Variants in HMCN1 observed in about 807,000 individuals in gnomAD.
HMCN1 encodes hemicentin 1.
A neutral mutation model predicts 625.9 loss-of-function variants in HMCN1; 321 were observed. That is an observed-to-expected ratio of 0.51 (90% CI 0.47 to 0.56). The LOEUF (loss-of-function observed/expected upper bound fraction) is 0.56. HMCN1 is among the 20% of genes least tolerant of loss of function. The pLI is 0.00. For synonymous variants in HMCN1, 2,425 were observed against 2,417.6 expected, an observed-to-expected ratio of 1.00 and a Z score of -0.09; for missense variants, 6,588 against 6,887.3, an observed-to-expected ratio of 0.96 and a Z score of 1.54.
intron 1 of HMCN1, among the ~76,000 whole-genome samples, chr1:185,807,028 T>G (rs2102237128): frequency 6.6e-6 from 1 of 152,284 alleles, no homozygotes; most frequent in African/African-American, 2.4e-5. Flanking sequence ...CTTTCAAGAA[T>G]TTGGGATTAT....
chr1:185,900,431 GAGTT>G lies in HMCN1; in HGVS notation c.622-8902_622-8899del, dbSNP rs201388812. On this transcript the variant is annotated intron_variant, in intron 4 of 106. Coordinates refer to ENST00000271588, the MANE Select transcript of HMCN1 (RefSeq NM_031935.3). ...ATAAAGATTAGAGGGGATCTGGAAA[GAGTT>G]AGTGTTAGTGAGATTTTTGTGCGTG... Among the ~76,000 whole-genome samples, 1,171 of 152,116 alleles carry G rather than the reference GAGTT, an allele frequency of 7.7e-3. 48 individuals are homozygous for G. Among genetic ancestry groups the G allele is most frequent in the Admixed American group, 0.06 (908 of 15,236 alleles).
intron 30 of HMCN1, 51 bp from the exon 31 acceptor site, chr1:186,015,108 T>G: frequency 6.7e-7 from 1 of 1,496,004 alleles, no homozygotes; most frequent in Non-Finnish European, 9.3e-7. Flanking sequence ...AAGATTTTGA[T>G]GAAGATGCTG....
intron 58 of HMCN1, among the ~76,000 whole-genome samples, chr1:186,086,675 T>C (rs182656023): frequency 1.5e-4 from 23 of 152,178 alleles, no homozygotes; most frequent in Non-Finnish European, 2.9e-4. Flanking sequence ...TAATACCAAG[T>C]GGTAGATGGC....
In HMCN1 at chr1:185,970,234, T is replaced by C. The variant is rs1571637738; in HGVS notation, c.2213-101T>C. On this transcript the variant is annotated intron_variant, in intron 14 of 106. Transcript: ENST00000271588. The stretch of plus-strand genomic sequence containing the variant: ...TGCCAAACACTTGTGTTTAAAAACT[T>C]TGCAATCAACTTTATTTGGAAGTTT... The C allele has an allele frequency of 4.5e-6, 5 of 1,120,768 alleles. No homozygotes were observed. The East Asian group carries it at 1.2e-4, about 26-fold the overall frequency. The allele number at this position is 1,120,768 out of a possible 1,614,324, so 69.4% of individuals were successfully genotyped here. A position where few individuals can be genotyped will look rare whatever the true frequency, so the allele number is the denominator to read the frequency against.
intron 93 of HMCN1, among the ~76,000 whole-genome samples, chr1:186,147,128 T>C (rs1379625763): frequency 6.6e-6 from 1 of 152,220 alleles, no homozygotes; most frequent in Non-Finnish European, 1.5e-5. Flanking sequence ...CTCTACGCTT[T>C]CTACTGCTTT....
In HMCN1 at chr1:186,151,350, G is replaced by C. The variant is rs749033490; in HGVS notation, c.14758+1G>C. 1.2e-6 allele frequency: 2 copies of C among 1,612,858 alleles called. No homozygotes were observed. Among genetic ancestry groups the C allele is most frequent in the South Asian group, 2.2e-5 (2 of 91,046 alleles). ...ATTACCAATGTACCTCGTAGTCTTG[G>C]TAAGTCTTTGCCTCAAGCCTCTTTT... On this transcript the variant is annotated splice_donor_variant, in intron 94 of 106. Coordinates refer to ENST00000271588, the MANE Select transcript of HMCN1 (RefSeq NM_031935.3). LOFTEE classifies it high-confidence loss of function.
chr1:186,110,198 C>T (rs577412070), intron 71 of HMCN1, among the ~76,000 whole-genome samples: 4 of 152,172 alleles, frequency 2.6e-5, no homozygotes, highest in East Asian at 3.9e-4. Context: ...TAAAAAAAAG[C>T]GGCCTTTGAT....
At chr1:186,178,888 C>G (rs1204336468) in intron 104 of HMCN1, 122 bp downstream of exon 104, 22 of 764,562 alleles carry the variant, frequency 2.9e-5, no homozygotes, top group Middle Eastern at 6.7e-4. Flanking sequence ...CGGAATGACT[C>G]AAAATTTCAA....
chr1:185,966,936 A>G (rs1208379277), intron 14 of HMCN1, among the ~76,000 whole-genome samples: 1 of 152,136 alleles, frequency 6.6e-6, no homozygotes, highest in Non-Finnish European at 1.5e-5. Context: ...CTGGTTGTCC[A>G]TACTGAAAGA....
At chr1:185,986,515 A>G (rs1652007105) in intron 19 of HMCN1, among the ~76,000 whole-genome samples, 1 of 152,194 alleles carries the variant, frequency 6.6e-6, no homozygotes, top group South Asian at 2.1e-4. Context: ...TTTTGAGAAC[A>G]TCGAGTATTG....
At position 186,120,055 on chromosome 1, in the gene HMCN1, A is replaced by G. The variant is rs1412259986; in HGVS notation, c.12139A>G (p.Arg4047Gly). The G allele has an allele frequency of 1.9e-6, 3 of 1,613,914 alleles. No individual in the cohort carries two copies. Among genetic ancestry groups the G allele is most frequent in the Non-Finnish European group, 2.5e-6 (3 of 1,179,988 alleles). ...VLPSGGLQISRAVREDAGTYM... is the reference protein window; with the variant it reads ...VLPSGGLQISGAVREDAGTYM... The stretch of plus-strand genomic sequence containing the variant: ...TCCTAGTGGCGGCTTACAGATCTCC[A>G]GAGCTGTCCGAGAGGATGCTGGCAC... Residue 4047 changes from arginine to glycine, a missense_variant, in exon 80 of 107, where the codon AGA (arginine) becomes GGA (glycine). Physicochemically the swap from Arg to Gly is moderately radical, Grantham distance 125. Around this residue, in one of 3 missense-constraint regions of HMCN1, gnomAD observed 1,954 missense variants for 2,013.1 expected, o/e 0.97. Transcript: ENST00000271588.
chr1:186,068,578 A>G (rs1365147508), intron 50 of HMCN1, among the ~76,000 whole-genome samples: 2 of 152,106 alleles, frequency 1.3e-5, no homozygotes, highest in Non-Finnish European at 2.9e-5. Flanking sequence ...TAAGAATTCA[A>G]ATGAAGAAGC....
In HMCN1 at chr1:185,835,511, G is replaced by A. The variant is rs80315511; in HGVS notation, c.269-10515G>A. On this transcript the variant is annotated intron_variant, in intron 1 of 106. Transcript: ENST00000271588. ...AGCATGATGTATGTATTCTGTCTTG[G>A]GCTGAAATGCCTTTGGAGAAGATTC... 1.5e-3 allele frequency among the ~76,000 whole-genome samples: 234 copies of A among 151,886 alleles called. 1 individual carries two copies. Among genetic ancestry groups the A allele is most frequent in the African/African-American group, 5.4e-3 (222 of 41,398 alleles).
At chr1:185,839,625 A>C (rs1052748616) in intron 1 of HMCN1, among the ~76,000 whole-genome samples, 38 of 152,298 alleles carry the variant, frequency 2.5e-4, no homozygotes, top group African/African-American at 8.4e-4. Context: ...TGCTCTGGCC[A>C]AAGTCATCTA....
chr1:186,030,396 T>C (rs1034746822), intron 36 of HMCN1, among the ~76,000 whole-genome samples: 1 of 152,086 alleles, frequency 6.6e-6, no homozygotes, highest in African/African-American at 2.4e-5. Flanking sequence ...TATTTATAAT[T>C]GGTATATCCT....
At chr1:186,141,674 G>GC (rs1649972823) in intron 89 of HMCN1, among the ~76,000 whole-genome samples, 1 of 152,180 alleles carries the variant, frequency 6.6e-6, no homozygotes, top group South Asian at 2.1e-4. Context: ...TTACACTTAT[G>GC]TAGGATTTAC....
At chr1:186,021,720 G>C (rs1279324517) in intron 35 of HMCN1, among the ~76,000 whole-genome samples, 1 of 152,032 alleles carries the variant, frequency 6.6e-6, no homozygotes, top group African/African-American at 2.4e-5. Flanking sequence ...TGAGCCTGGA[G>C]GGCTGTGCTG....
chr1:186,099,683 C>T (rs1380994570), intron 68 of HMCN1, among the ~76,000 whole-genome samples: 1 of 152,024 alleles, frequency 6.6e-6, no homozygotes, highest in African/African-American at 2.4e-5. Context: ...ATTCGATCTC[C>T]TCAAGCATAA....
At chr1:185,781,315 A>G (rs1451717757) in intron 1 of HMCN1, among the ~76,000 whole-genome samples, 2 of 152,040 alleles carry the variant, frequency 1.3e-5, no homozygotes, top group African/African-American at 2.4e-5. Context: ...AGATTGATTA[A>G]TTTTTTGAAG....
Sources: gnomAD v4.1 joint callset for allele counts (sites outside exome capture counted in the v4.1 genomes callset) on GRCh38, gnomAD v4.1.1 for gene constraint, gnomAD v4.1.1 regional missense constraint, MANE v1.5 for transcripts, NCBI Gene and HGNC (gene_info 2026-07-23, HGNC 2026-07-21) for gene names.